HOMER1: variants seen among roughly 807,000 people sequenced by gnomAD.
HOMER1 encodes homer protein homolog 1.
A neutral mutation model predicts 48.9 loss-of-function variants in HOMER1; 3 were observed. The observed-to-expected ratio is 0.06, with a 90% CI of 0.03 to 0.16. HOMER1 has a LOEUF of 0.16. HOMER1 is among the 10% of genes least tolerant of loss of function. The pLI is 1.00. For synonymous variants in HOMER1, 134 were observed against 146.4 expected, an observed-to-expected ratio of 0.92 and a Z score of 0.61; for missense variants, 247 against 411.4, an observed-to-expected ratio of 0.60 and a Z score of 3.46.
At chr5:79,487,509 T>C (rs1752144887) in intron 1 of HOMER1, among the ~76,000 whole-genome samples, 1 of 151,872 alleles carries the variant, frequency 6.6e-6, no homozygotes, top group Admixed American at 6.6e-5. Flanking sequence ...TAGCAACAAG[T>C]TCACCACAAA....
At position 79,375,711 on chromosome 5, in the gene HOMER1, A is replaced by T; in HGVS notation, c.*298T>A. The T allele has an allele frequency of 4.6e-6, 1 of 218,886 alleles. No homozygotes were observed. Among genetic ancestry groups the T allele is most frequent in the Non-Finnish European group, 8.9e-6 (1 of 112,536 alleles). The allele number at this position is 218,886 out of a possible 1,614,324, so 13.6% of individuals were successfully genotyped here. ...GTTAATTCTCCCATTGGCTAATATC[A>T]GGAAAAAAGATTGCATTAAGTGTCT... On this transcript the variant is annotated 3_prime_UTR_variant, in exon 9 of 9. Coordinates refer to ENST00000334082, the MANE Select transcript of HOMER1 (RefSeq NM_004272.5).
intron 8 of HOMER1, among the ~76,000 whole-genome samples, chr5:79,391,292 C>T (rs1039185569): frequency 7.2e-5 from 11 of 151,848 alleles, no homozygotes; most frequent in African/African-American, 2.4e-4. Flanking sequence ...CATGTGCCAC[C>T]GCATCCGGCT....
At chr5:79,504,460 T>A (rs1752693441) in intron 1 of HOMER1, among the ~76,000 whole-genome samples, 1 of 150,694 alleles carries the variant, frequency 6.6e-6, no homozygotes, top group Non-Finnish European at 1.5e-5. Context: ...CTAAGCAACT[T>A]AAATATTATA....
chr5:79,385,466 A>C (rs1749084789), intron 8 of HOMER1, among the ~76,000 whole-genome samples: 1 of 152,194 alleles, frequency 6.6e-6, no homozygotes, highest in South Asian at 2.1e-4. Flanking sequence ...TCTCAAAAGA[A>C]GACATATTAT....
chr5:79,406,198 T>A (rs73120339), intron 5 of HOMER1, among the ~76,000 whole-genome samples: 31,727 of 152,154 alleles, frequency 0.21, 3,431 homozygotes, highest in South Asian at 0.32. Context: ...TTCTTCAAAT[T>A]CATCCTAGCA....
chr5:79,382,490 G>GTTTCC (rs1222582378), intron 8 of HOMER1, among the ~76,000 whole-genome samples: 20 of 152,166 alleles, frequency 1.3e-4, no homozygotes, highest in African/African-American at 4.6e-4. Context: ...AAAGAATGGG[G>GTTTCC]TGATATATTC....
rs1038849814 is a variant in HOMER1, at chr5:79,373,005, C to G, written c.*3004G>C. The G allele has an allele frequency of 2.0e-5, 3 of 151,980 alleles. No homozygotes were observed. The highest frequency in any genetic ancestry group is 7.2e-5 in the African/African-American group (3 of 41,396). The allele number at this position is 151,980 out of a possible 1,614,324, so 9.4% of individuals were successfully genotyped here. On this transcript the variant is annotated 3_prime_UTR_variant, in exon 9 of 9. Transcript: ENST00000334082. ...TCTTCTATAGAGACAAGGAGAGATG[C>G]AACTTCGTGAGCATGTTTTAGTCTG...
chr5:79,471,378 C>T (rs1403558102), intron 1 of HOMER1, among the ~76,000 whole-genome samples: 4 of 151,744 alleles, frequency 2.6e-5, no homozygotes, highest in Non-Finnish European at 5.9e-5. Context: ...AACCCCGTCT[C>T]TACTAAAAAT....
intron 1 of HOMER1, among the ~76,000 whole-genome samples, chr5:79,484,153 G>A (rs1752031658): frequency 6.6e-6 from 1 of 151,804 alleles, no homozygotes; most frequent in South Asian, 2.1e-4. Context: ...TATTATATAT[G>A]AAGTAGTAAA....
chr5:79,448,123 T>C (rs1027661387), intron 3 of HOMER1, among the ~76,000 whole-genome samples: 17 of 152,190 alleles, frequency 1.1e-4, no homozygotes, highest in African/African-American at 4.1e-4. Context: ...CTTTTCCTTC[T>C]TACCTTAAAC....
intron 5 of HOMER1, among the ~76,000 whole-genome samples, chr5:79,404,426 C>G (rs191510069): frequency 2.4e-3 from 358 of 152,324 alleles, no homozygotes; most frequent in African/African-American, 8.3e-3. Context: ...TCGGACCCAA[C>G]ACTCAAGCAC....
intron 8 of HOMER1, among the ~76,000 whole-genome samples, chr5:79,393,584 G>A (rs1749306334): frequency 2.6e-5 from 4 of 152,128 alleles, no homozygotes; most frequent in African/African-American, 7.2e-5. Context: ...GGGTCCAGGG[G>A]GTACCAATAT....
intron 2 of HOMER1, among the ~76,000 whole-genome samples, chr5:79,454,218 A>C (rs1751102771): frequency 6.6e-6 from 1 of 152,204 alleles, no homozygotes; most frequent in Non-Finnish European, 1.5e-5. Context: ...GTGAAAATTA[A>C]GTTAGCAAAT....
chr5:79,434,541 G>A (rs982704648), intron 5 of HOMER1, among the ~76,000 whole-genome samples: 3 of 151,976 alleles, frequency 2.0e-5, no homozygotes, highest in African/African-American at 7.2e-5. Context: ...AATCTCAAAA[G>A]ATATTATCAT....
intron 2 of HOMER1, among the ~76,000 whole-genome samples, chr5:79,451,886 T>C (rs912223199): frequency 2.0e-5 from 3 of 152,074 alleles, no homozygotes; most frequent in African/African-American, 4.8e-5. Flanking sequence ...AAATCCATAA[T>C]TGAGTTTTCT....
At chr5:79,408,259 T>C (rs527547377) in intron 5 of HOMER1, among the ~76,000 whole-genome samples, 8 of 152,280 alleles carry the variant, frequency 5.3e-5, no homozygotes, top group Admixed American at 3.9e-4. Context: ...AGTGACAGTG[T>C]TGAAAGAAAA....
intron 8 of HOMER1, among the ~76,000 whole-genome samples, chr5:79,380,473 G>A (rs139919542): frequency 2.6e-5 from 4 of 152,258 alleles, no homozygotes; most frequent in African/African-American, 4.8e-5. Context: ...GAGTGCCATC[G>A]AGGCACAGGC....
chr5:79,434,648 C>T (rs1413329343), intron 5 of HOMER1, among the ~76,000 whole-genome samples: 5 of 152,120 alleles, frequency 3.3e-5, no homozygotes, highest in African/African-American at 9.6e-5. Context: ...TCCTCATGAT[C>T]TCCCTTTTTT....
rs956387712 is a variant in HOMER1, at chr5:79,438,923, A to T, written c.527+87T>A. The stretch of plus-strand genomic sequence containing the variant: ...CAAAGTCAACCTGGAGTTTTCACTC[A>T]AAGCTTGTAACTACAAGGGTTCCTG... On this transcript the variant is annotated intron_variant, in intron 5 of 8. Transcript: ENST00000334082. 10 of 1,208,216 alleles carry T rather than the reference A, an allele frequency of 8.3e-6. No homozygotes were observed. In the East Asian group the frequency reaches 1.5e-4, roughly 18 times the overall value. 74.8% of individuals were successfully genotyped at this position (1,208,216 alleles called of 1,614,324 possible). A position where few individuals can be genotyped will look rare whatever the true frequency, so the allele number is the denominator to read the frequency against.
Sources: allele counts gnomAD v4.1 joint callset (sites outside exome capture counted in the v4.1 genomes callset), GRCh38; gene constraint gnomAD v4.1.1; transcripts MANE v1.5; gene names NCBI Gene and HGNC (gene_info 2026-07-23, HGNC 2026-07-21).